PTPRN2: variants seen among roughly 807,000 people sequenced by gnomAD.
The protein encoded by PTPRN2 is receptor-type tyrosine-protein phosphatase N2.
Under a neutral mutation model 118.8 loss-of-function variants are expected in PTPRN2, and 74 were observed. That is an observed-to-expected ratio of 0.62 (90% CI 0.52 to 0.76). The LOEUF (loss-of-function observed/expected upper bound fraction) is 0.76. Ranked by LOEUF, PTPRN2 falls within the 30% of genes least tolerant of loss-of-function variation. The pLI, the probability that PTPRN2 is intolerant of heterozygous loss-of-function variation, is 0.00. For missense variants in PTPRN2, 1,481 were observed against 1,394.4 expected (o/e 1.06, Z -0.99); for synonymous variants, 641 against 608.0 (o/e 1.05, Z -0.80).
chr7:157,706,489 C>T (rs531630120), intron 12 of PTPRN2, among the ~76,000 whole-genome samples: 14 of 151,796 alleles, frequency 9.2e-5, no homozygotes, highest in South Asian at 6.3e-4. Context: ...CAGTGCTTTC[C>T]GGATCAACAG....
At chr7:158,276,825 C>T (rs1356583803) in intron 3 of PTPRN2, among the ~76,000 whole-genome samples, 3 of 152,302 alleles carry the variant, frequency 2.0e-5, no homozygotes, top group Admixed American at 1.3e-4. Flanking sequence ...CCCAGGTGTG[C>T]GGGCGGCCTC....
At chr7:157,589,620 C>T (rs1300201583) in intron 17 of PTPRN2, among the ~76,000 whole-genome samples, 2 of 152,214 alleles carry the variant, frequency 1.3e-5, no homozygotes, top group Middle Eastern at 3.4e-3. Context: ...GGGGTGTCAA[C>T]GGATGGGTAT....
At chr7:158,557,846 C>G (rs1224962690) in intron 1 of PTPRN2, among the ~76,000 whole-genome samples, 2 of 152,208 alleles carry the variant, frequency 1.3e-5, no homozygotes, top group Non-Finnish European at 2.9e-5. Flanking sequence ...CCCCCGTGGT[C>G]CACTCTCCTA....
At chr7:158,523,275 T>C (rs918585723) in intron 1 of PTPRN2, among the ~76,000 whole-genome samples, 2 of 152,236 alleles carry the variant, frequency 1.3e-5, no homozygotes, top group Non-Finnish European at 2.9e-5. Flanking sequence ...TGCAGACACG[T>C]CCCACGGTGA....
In PTPRN2 at chr7:158,503,365, T is replaced by C. The variant is rs375886209; in HGVS notation, c.113-13580A>G. Among the ~76,000 whole-genome samples the C allele has an allele frequency of 3.3e-5, 5 of 152,250 alleles. No individual in the cohort carries two copies. The East Asian group carries it at 9.6e-4, about 29-fold the overall frequency. ...TCTCTACCCTCACAGCTGTGTACCA[T>C]GTGCAGGTTTAATCAACAGGTCCTT... On this transcript the variant is annotated intron_variant, in intron 1 of 22. Coordinates refer to ENST00000389418, the MANE Select transcript of PTPRN2 (RefSeq NM_002847.5).
chr7:157,719,715 C>T (rs903567362), intron 12 of PTPRN2, among the ~76,000 whole-genome samples: 1 of 152,234 alleles, frequency 6.6e-6, no homozygotes, highest in Non-Finnish European at 1.5e-5. Context: ...CGGGACAAGG[C>T]TGAAAGAGCT....
intron 5 of PTPRN2, among the ~76,000 whole-genome samples, chr7:158,172,307 G>C (rs1186934201): frequency 1.3e-5 from 2 of 152,286 alleles, no homozygotes; most frequent in South Asian, 4.1e-4. Flanking sequence ...GTGAGGATTA[G>C]GGAGAGTATA....
chr7:158,054,919 C>T (rs11977058), intron 11 of PTPRN2, among the ~76,000 whole-genome samples: 3,506 of 152,242 alleles, frequency 0.023, 146 homozygotes, highest in African/African-American at 0.082. Flanking sequence ...CAAGGTCAGG[C>T]CAGGTGGCCC....
intron 12 of PTPRN2, among the ~76,000 whole-genome samples, chr7:157,717,886 C>A (rs867947647): frequency 6.6e-6 from 1 of 152,268 alleles, no homozygotes; most frequent in Non-Finnish European, 1.5e-5. Flanking sequence ...CCCCGCGTAC[C>A]TTTCAGAGGT....
At chr7:158,025,866 C>T (rs735806) in intron 11 of PTPRN2, among the ~76,000 whole-genome samples, 88,164 of 152,156 alleles carry the variant, frequency 0.58, 27,129 homozygotes, top group East Asian at 0.76. Flanking sequence ...AATTCCAATC[C>T]GGAGTGGGAT....
intron 14 of PTPRN2, among the ~76,000 whole-genome samples, chr7:157,630,890 C>T (rs1054600088): frequency 9.8e-5 from 15 of 152,342 alleles, no homozygotes; most frequent in South Asian, 2.1e-4. Context: ...CATTCCCACA[C>T]GTATCTGCAG....
intron 12 of PTPRN2, among the ~76,000 whole-genome samples, chr7:157,852,272 G>A (rs957245451): frequency 6.6e-6 from 1 of 152,212 alleles, no homozygotes; most frequent in Non-Finnish European, 1.5e-5. Flanking sequence ...AAGTCAGTTT[G>A]TGTATCTCTG....
At chr7:157,788,331 C>T (rs939322953) in intron 12 of PTPRN2, among the ~76,000 whole-genome samples, 9 of 148,034 alleles carry the variant, frequency 6.1e-5, no homozygotes, top group Non-Finnish European at 1.3e-4. Context: ...GCTGAGATTG[C>T]ACCACTGCAC....
rs1396802445 is a variant in PTPRN2 at position 157,615,685 on chromosome 7, G to A, written c.2344+5677C>T. 2.0e-5 allele frequency: 9 copies of A among 453,502 alleles called. No homozygotes were observed. The highest frequency in any genetic ancestry group is 3.3e-4 in the Middle Eastern group (1 of 3,020). The allele number at this position is 453,502 out of a possible 1,614,324, so 28.1% of individuals were successfully genotyped here. A position where few individuals can be genotyped will look rare whatever the true frequency, so the allele number is the denominator to read the frequency against. On this transcript the variant is annotated intron_variant, in intron 15 of 22. Coordinates refer to ENST00000389418, the MANE Select transcript of PTPRN2 (RefSeq NM_002847.5). The surrounding 1 kb of genome is among the most constrained non-coding windows in gnomAD (Gnocchi z 4.3). ...GACGTGAAAAACATGTTTATAAAAC[G>A]AGCAGATGGTGCCGAGCTGAGAGGG... is the stretch of plus-strand genomic sequence containing the variant.
intron 2 of PTPRN2, among the ~76,000 whole-genome samples, chr7:158,341,132 C>T (rs62493624): frequency 2.7e-3 from 37 of 13,796 alleles, no homozygotes; most frequent in Non-Finnish European, 4.4e-3. Flanking sequence ...TCACTCACAC[C>T]CACAGTCTCA....
intron 12 of PTPRN2, among the ~76,000 whole-genome samples, chr7:157,759,765 G>A (rs1339730418): frequency 6.6e-6 from 1 of 152,230 alleles, no homozygotes; most frequent in African/African-American, 2.4e-5. Context: ...TGGTCGCCTG[G>A]GCAGCGATTA....
chr7:157,653,555 G>A (rs557965769), intron 14 of PTPRN2, among the ~76,000 whole-genome samples: 1 of 152,254 alleles, frequency 6.6e-6, no homozygotes, highest in Admixed American at 6.5e-5. Flanking sequence ...GAGCCTAAAA[G>A]GCTACCTGTG....
At chr7:158,551,143 CCAAGAT>C (rs1826629425) in intron 1 of PTPRN2, among the ~76,000 whole-genome samples, 1 of 152,254 alleles carries the variant, frequency 6.6e-6, no homozygotes, top group African/African-American at 2.4e-5. Context: ...GACTGGAGGT[CCAAGAT>C]CAGGGTGCTG....
intron 2 of PTPRN2, among the ~76,000 whole-genome samples, chr7:158,352,392 G>A (rs909787285): frequency 2.0e-5 from 3 of 151,514 alleles, no homozygotes; most frequent in African/African-American, 7.3e-5. Flanking sequence ...CAGCTACTCT[G>A]GAGCAAACTT....
Sources: gnomAD v4.1 joint callset for allele counts (sites outside exome capture counted in the v4.1 genomes callset) on GRCh38, gnomAD v4.1.1 for gene constraint, Gnocchi (gnomAD v3.1) non-coding constraint, MANE v1.5 for transcripts, NCBI Gene and HGNC (gene_info 2026-07-23, HGNC 2026-07-21) for gene names.